LUZP2: variants seen among roughly 807,000 people sequenced by gnomAD.
The protein encoded by LUZP2 is leucine zipper protein 2.
A neutral mutation model predicts 51.6 loss-of-function variants in LUZP2; 52 were observed. That is an observed-to-expected ratio of 1.01 (90% CI 0.81 to 1.27). The LOEUF (loss-of-function observed/expected upper bound fraction) is 1.27. Ranked by LOEUF, LUZP2 falls within the 50% of genes most tolerant of loss-of-function variation. The pLI is 0.00. For synonymous variants in LUZP2, 154 were observed against 137.3 expected (o/e 1.12, Z -0.85); for missense variants, 436 against 395.4 (o/e 1.10, Z -0.87).
intron 10 of LUZP2, among the ~76,000 whole-genome samples, chr11:25,061,926 C>T (rs1858850183): frequency 6.6e-6 from 1 of 152,062 alleles, no homozygotes; most frequent in African/African-American, 2.4e-5. Context: ...AGTTTTTAGG[C>T]ACTTTTCAAA....
At chr11:24,956,903 G>T (rs563058468) in intron 7 of LUZP2, among the ~76,000 whole-genome samples, 4 of 152,038 alleles carry the variant, frequency 2.6e-5, no homozygotes, top group Admixed American at 6.6e-5. Flanking sequence ...CTAGTTTAAA[G>T]TGCTTTCCAA....
chr11:24,992,411 A>G (rs556864060), intron 9 of LUZP2, among the ~76,000 whole-genome samples: 72 of 152,218 alleles, frequency 4.7e-4, no homozygotes, highest in African/African-American at 1.7e-3. Context: ...TCTTAGGACT[A>G]TAAATATGAT....
At chr11:24,816,988 G>A (rs1337010171) in intron 5 of LUZP2, among the ~76,000 whole-genome samples, 1 of 151,860 alleles carries the variant, frequency 6.6e-6, no homozygotes, top group Non-Finnish European at 1.5e-5. Flanking sequence ...ATTACCCTCA[G>A]GGATTAAATT....
chr11:25,025,074 G>T (rs1188316333), intron 9 of LUZP2, among the ~76,000 whole-genome samples: 6 of 152,108 alleles, frequency 3.9e-5, no homozygotes, highest in Admixed American at 1.3e-4. Context: ...AAATGATGCT[G>T]GGTAAATTGC....
intron 9 of LUZP2, among the ~76,000 whole-genome samples, chr11:25,049,104 A>G (rs984998979): frequency 7.9e-5 from 12 of 152,194 alleles, no homozygotes; most frequent in African/African-American, 2.9e-4. Flanking sequence ...TGTAGAAAGT[A>G]GCGCAGGTAA....
At chr11:24,654,844 CT>C (rs1855753784) in intron 1 of LUZP2, among the ~76,000 whole-genome samples, 1 of 151,270 alleles carries the variant, frequency 6.6e-6, no homozygotes, top group Non-Finnish European at 1.5e-5. Flanking sequence ...TTTTTGTAAC[CT>C]TTTGAATGTT....
At chr11:24,577,646 A>T (rs183133488) in intron 1 of LUZP2, among the ~76,000 whole-genome samples, 6 of 152,326 alleles carry the variant, frequency 3.9e-5, no homozygotes, top group Admixed American at 3.9e-4. Flanking sequence ...TAAGTAACAC[A>T]TAAGAAGAAA....
chr11:24,906,761 C>G (rs1017155178), intron 6 of LUZP2, among the ~76,000 whole-genome samples: 6 of 151,950 alleles, frequency 3.9e-5, no homozygotes, highest in African/African-American at 1.2e-4. Flanking sequence ...GAAGCACACA[C>G]TAAGATATAT....
intron 9 of LUZP2, among the ~76,000 whole-genome samples, chr11:25,036,010 C>A (rs536886214): frequency 2.0e-5 from 3 of 151,880 alleles, no homozygotes; most frequent in Non-Finnish European, 4.4e-5. Context: ...GCCCTCCTCC[C>A]CAGCTTTTTG....
intron 1 of LUZP2, among the ~76,000 whole-genome samples, chr11:24,696,179 G>A (rs1044210724): frequency 2.0e-5 from 3 of 152,038 alleles, no homozygotes; most frequent in Non-Finnish European, 4.4e-5. Flanking sequence ...CAGATATGGT[G>A]CTTAAAGAAA....
intron 1 of LUZP2, among the ~76,000 whole-genome samples, chr11:24,543,142 T>A (rs1201468926): frequency 1.3e-5 from 2 of 152,078 alleles, no homozygotes; most frequent in Non-Finnish European, 2.9e-5. Context: ...GTAGGACAGA[T>A]AATTATATTA....
chr11:24,567,102 A>G (rs1258266606), intron 1 of LUZP2, among the ~76,000 whole-genome samples: 1 of 150,504 alleles, frequency 6.6e-6, no homozygotes, highest in Non-Finnish European at 1.5e-5. Context: ...CGGTCTCCCA[A>G]AGTGCTGGGA....
chr11:24,519,919 C>G (rs1171665635), intron 1 of LUZP2, among the ~76,000 whole-genome samples: 3 of 152,100 alleles, frequency 2.0e-5, no homozygotes, highest in Admixed American at 1.3e-4. Context: ...ACCTTTGTTC[C>G]TCTCTAGTAA....
At chr11:25,037,381 A>C (rs2134000799) in intron 9 of LUZP2, among the ~76,000 whole-genome samples, 1 of 152,220 alleles carries the variant, frequency 6.6e-6, no homozygotes, top group East Asian at 1.9e-4. Context: ...GAAGACAACA[A>C]ATGATTGGGT....
chr11:24,726,356 T>G (rs1287152430), intron 1 of LUZP2, among the ~76,000 whole-genome samples: 1 of 151,996 alleles, frequency 6.6e-6, no homozygotes, highest in Admixed American at 6.6e-5. Context: ...ACTAAGAAAA[T>G]TATAGGCTAG....
chr11:24,508,778 A>T, intron 1 of LUZP2, among the ~76,000 whole-genome samples: 1 of 152,114 alleles, frequency 6.6e-6, no homozygotes, highest in Non-Finnish European at 1.5e-5. Context: ...GTCTAAGGTT[A>T]CTTTATTTAA....
At chr11:24,652,084 C>A (rs1052219199) in intron 1 of LUZP2, among the ~76,000 whole-genome samples, 2 of 141,028 alleles carry the variant, frequency 1.4e-5, no homozygotes, top group Non-Finnish European at 3.1e-5. Context: ...TATGTGTGTA[C>A]ACATGTTGTG....
At chr11:24,834,827 A>G (rs887889919) in intron 5 of LUZP2, among the ~76,000 whole-genome samples, 3 of 152,118 alleles carry the variant, frequency 2.0e-5, no homozygotes, top group Non-Finnish European at 4.4e-5. Flanking sequence ...TTTGATTTGC[A>G]TTTCTCTAAT....
chr11:24,647,159 C>T (rs1855486692), intron 1 of LUZP2, among the ~76,000 whole-genome samples: 1 of 152,026 alleles, frequency 6.6e-6, no homozygotes, highest in African/African-American at 2.4e-5. Context: ...ATCCTCATCA[C>T]ATGGCATTTG....
Sources: gnomAD v4.1 joint callset for allele counts (sites outside exome capture counted in the v4.1 genomes callset) on GRCh38, gnomAD v4.1.1 for gene constraint, MANE v1.5 for transcripts, NCBI Gene and HGNC (gene_info 2026-07-23, HGNC 2026-07-21) for gene names.